The following PEX11A variants were observed in gnomAD, a reference collection of about 807,000 sequenced individuals.
PEX11A encodes peroxisomal biogenesis factor 11 alpha.
A neutral mutation model predicts 14.4 loss-of-function variants in PEX11A; 13 were observed. That is an observed-to-expected ratio of 0.90 (90% CI 0.59 to 1.43). PEX11A has a LOEUF of 1.43. PEX11A is among the 40% of genes most tolerant of loss of function. The pLI is 0.00. For missense variants in PEX11A, 290 were observed against 302.8 expected (o/e 0.96, Z 0.31); for synonymous variants, 101 against 113.0 (o/e 0.89, Z 0.67).
intron 2 of PEX11A, among the ~76,000 whole-genome samples, chr15:89,684,179 G>A (rs1964644035): frequency 6.6e-6 from 1 of 152,184 alleles, no homozygotes; most frequent in Non-Finnish European, 1.5e-5. Flanking sequence ...GGGATTATAG[G>A]CACGAGCCAG....
At chr15:89,688,698 T>C (rs1359168384) in intron 1 of PEX11A, among the ~76,000 whole-genome samples, 2 of 148,522 alleles carry the variant, frequency 1.3e-5, no homozygotes, top group African/African-American at 2.5e-5. Flanking sequence ...GCCTAAATGA[T>C]GATGATTATT....
Position 89,682,644 on chromosome 15 carries a change from T to C in PEX11A, c.*733A>G, listed in dbSNP as rs1964615637. The C allele has an allele frequency of 6.6e-6, 1 of 152,274 alleles. No homozygotes were observed. Among genetic ancestry groups the C allele is most frequent in the South Asian group, 2.1e-4 (1 of 4,832 alleles). 9.4% of individuals were successfully genotyped at this position (152,274 alleles called of 1,614,324 possible). ...AACACTGGATTAGGAGTCAGAGGAA[T>C]GAGGCTCTAGCCTCAGTTTTTTGTT... On this transcript the variant is annotated 3_prime_UTR_variant, in exon 3 of 3. Coordinates refer to ENST00000300056, the MANE Select transcript of PEX11A (RefSeq NM_003847.3).
chr15:89,687,784 G>C (rs1366694765), intron 1 of PEX11A, among the ~76,000 whole-genome samples: 1 of 152,114 alleles, frequency 6.6e-6, no homozygotes, highest in Non-Finnish European at 1.5e-5. Context: ...CTGGTTACAG[G>C]ACTGGTCATG....
rs1964815823 is a variant in PEX11A, at chr15:89,690,576, C to A, written c.56+1G>T. The A allele has an allele frequency of 1.9e-6, 3 of 1,550,926 alleles. No homozygotes were observed. The highest frequency in any genetic ancestry group is 2.7e-5 in the African/African-American group (2 of 73,044). Reference sequence around the variant, plus strand: ...GCGGAGGCCGCTGGCACCTGACTCACCTGAAGAGTCGGTCCCGGCCCTGGG... The same window carrying A: ...GCGGAGGCCGCTGGCACCTGACTCAACTGAAGAGTCGGTCCCGGCCCTGGG... On this transcript the variant is annotated splice_donor_variant, in intron 1 of 2. Coordinates refer to ENST00000300056, the MANE Select transcript of PEX11A (RefSeq NM_003847.3). LOFTEE classifies it high-confidence loss of function.
In PEX11A at chr15:89,686,554, G is replaced by GT; in HGVS notation, c.57-9_57-8insA. Reference sequence around the variant, plus strand: ...CATGTGTACTGAGTGGCTCTGAAATGGAAAAAAAAAAATTGAGAAGAATGA... The same window carrying GT: ...CATGTGTACTGAGTGGCTCTGAAATGTGAAAAAAAAAAATTGAGAAGAATGA... On this transcript the variant is annotated splice_polypyrimidine_tract_variant and intron_variant, in intron 1 of 2. Coordinates refer to ENST00000300056, the MANE Select transcript of PEX11A (RefSeq NM_003847.3). 2 of 1,229,016 alleles carry GT rather than the reference G, an allele frequency of 1.6e-6. No homozygotes were observed. The highest frequency in any genetic ancestry group is 2.3e-6 in the Non-Finnish European group (2 of 855,106). The allele number at this position is 1,229,016 out of a possible 1,614,324, so 76.1% of individuals were successfully genotyped here. A position where few individuals can be genotyped will look rare whatever the true frequency, so the allele number is the denominator to read the frequency against.
intron 1 of PEX11A, among the ~76,000 whole-genome samples, chr15:89,688,936 G>T (rs762124661): frequency 6.6e-6 from 1 of 151,174 alleles, no homozygotes; most frequent in Non-Finnish European, 1.5e-5. Flanking sequence ...GGATGGTCTC[G>T]ATCTCCTGAC....
intron 1 of PEX11A, chr15:89,688,329 C>G: frequency 1.0e-5 from 3 of 297,772 alleles, no homozygotes; most frequent in Non-Finnish European, 2.0e-5. Flanking sequence ...TACAGATCAT[C>G]AAGGAGGTTG....
At chr15:89,688,825 C>T (rs543252484) in intron 1 of PEX11A, among the ~76,000 whole-genome samples, 2 of 152,154 alleles carry the variant, frequency 1.3e-5, no homozygotes, top group South Asian at 2.1e-4. Context: ...ATGCCATTCT[C>T]CTGCCTCAGC....
intron 1 of PEX11A, 87 bp from the exon 2 acceptor site, chr15:89,686,633 C>T: frequency 1.5e-6 from 1 of 676,356 alleles, no homozygotes; most frequent in African/African-American, 1.8e-5. Flanking sequence ...GAAACACATG[C>T]CTCCAGACAA....
intron 1 of PEX11A, among the ~76,000 whole-genome samples, chr15:89,689,134 A>C (rs936558677): frequency 6.6e-6 from 1 of 152,234 alleles, no homozygotes; most frequent in Admixed American, 6.5e-5. Flanking sequence ...TATATAAAGT[A>C]ACCATTTAAA....
chr15:89,683,828 A>G lies in PEX11A; in HGVS notation c.293T>C (p.Ile98Thr), dbSNP rs1407029353. Reference protein sequence around the residue: ...LANLNRVIYFICDTILWVRSV... With the variant: ...LANLNRVIYFTCDTILWVRSV... The stretch of plus-strand genomic sequence containing the variant: ...CCTCACCCAGAGGATGGTGTCACAG[A>G]TGAAATAAATCACACGGTTCAGGTT... Residue 98 changes from isoleucine to threonine, a missense_variant, in exon 3 of 3, where the codon ATC becomes ACC. Ile to Thr is a moderately conservative substitution (Grantham distance 89). Transcript: ENST00000300056. 1 of 1,614,046 alleles carries G rather than the reference A, an allele frequency of 6.2e-7. No homozygotes were observed. Among genetic ancestry groups the G allele is most frequent in the Non-Finnish European group, 8.5e-7 (1 of 1,179,988 alleles).
rs1964609418 is a variant in PEX11A, at chr15:89,682,180, C to T, written c.*1197G>A. 1 of 152,158 alleles carries T rather than the reference C, an allele frequency of 6.6e-6. No homozygotes were observed. The highest frequency in any genetic ancestry group is 6.5e-5 in the Admixed American group (1 of 15,276). The allele number at this position is 152,158 out of a possible 1,614,324, so 9.4% of individuals were successfully genotyped here. On this transcript the variant is annotated 3_prime_UTR_variant, in exon 3 of 3. Coordinates refer to ENST00000300056, the MANE Select transcript of PEX11A (RefSeq NM_003847.3). ...ACAATCTAACTGATAAGTCTAAATA[C>T]TGTCTTAATTTTTTTTTAAGACACA...
At chr15:89,690,262 C>G (rs936286705) in intron 1 of PEX11A, among the ~76,000 whole-genome samples, 3 of 152,202 alleles carry the variant, frequency 2.0e-5, no homozygotes, top group African/African-American at 7.2e-5. Flanking sequence ...TTTCTGTGCC[C>G]GGAGAGCAAA....
At chr15:89,687,333 T>C (rs1223422011) in intron 1 of PEX11A, among the ~76,000 whole-genome samples, 1 of 152,222 alleles carries the variant, frequency 6.6e-6, no homozygotes, top group Non-Finnish European at 1.5e-5. Flanking sequence ...AGTTTAAAGA[T>C]TGTTTAATTT....
At chr15:89,690,264 G>C (rs1299377468) in intron 1 of PEX11A, among the ~76,000 whole-genome samples, 1 of 152,230 alleles carries the variant, frequency 6.6e-6, no homozygotes, top group Non-Finnish European at 1.5e-5. Flanking sequence ...TCTGTGCCCG[G>C]AGAGCAAAGT....
At position 89,686,516 on chromosome 15, in the gene PEX11A, T is replaced by A; in HGVS notation, c.87A>T (p.Arg29Ser). Residue 29 changes from arginine to serine, a missense_variant, in exon 2 of 3, where the codon AGA becomes AGT. By Grantham distance (110) the Arg-to-Ser change is moderately radical (BLOSUM62 -1). Coordinates refer to ENST00000300056, the MANE Select transcript of PEX11A (RefSeq NM_003847.3). ...RATQYTCMLL[R>S]YLLEPKAGKE... ...TGCCAGCTTTGGGCTCTAACAAATA[T>A]CTAAGCAACATGCATGTGTACTGAG... 6.3e-7 allele frequency: 1 copy of A among 1,595,648 alleles called. No individual in the cohort carries two copies. Among genetic ancestry groups the A allele is most frequent in the Non-Finnish European group, 8.6e-7 (1 of 1,163,602 alleles).
rs749662255 is a variant in PEX11A, at chr15:89,689,991, G to A, written c.56+586C>T. ...TACTAAAAATACAAAAAGTAGCCGG[G>A]CGTGGTAGTGCACGCCTGTAATCCC... is the stretch of plus-strand genomic sequence containing the variant. On this transcript the variant is annotated intron_variant, in intron 1 of 2. Coordinates refer to ENST00000300056, the MANE Select transcript of PEX11A (RefSeq NM_003847.3). Among the ~76,000 whole-genome samples the A allele has an allele frequency of 4.2e-4, 64 of 152,308 alleles. 1 individual carries two copies. The highest frequency in any genetic ancestry group is 3.5e-4 in the Non-Finnish European group (24 of 68,018).
Position 89,690,671 on chromosome 15 carries a change from G to A in PEX11A, c.-39C>T. 1 of 1,501,660 alleles carries A rather than the reference G, an allele frequency of 6.7e-7. No individual in the cohort carries two copies. The highest frequency in any genetic ancestry group is 9.1e-7 in the Non-Finnish European group (1 of 1,102,942). 93.0% of individuals were successfully genotyped at this position (1,501,660 alleles called of 1,614,324 possible). On this transcript the variant is annotated 5_prime_UTR_variant, in exon 1 of 3. Coordinates refer to ENST00000300056, the MANE Select transcript of PEX11A (RefSeq NM_003847.3). ...AAGGCCACGAGTCGCACGGGGCTCA[G>A]GCGTGGGTCCTCTGGGGCCCGTCGG... is the stretch of plus-strand genomic sequence containing the variant.
intron 2 of PEX11A, among the ~76,000 whole-genome samples, chr15:89,684,284 G>A (rs1567084548): frequency 6.6e-6 from 1 of 152,152 alleles, no homozygotes; most frequent in South Asian, 2.1e-4. Flanking sequence ...AGTACATTAA[G>A]GACACCTAAA....
Sources: allele counts gnomAD v4.1 joint callset (sites outside exome capture counted in the v4.1 genomes callset), GRCh38; gene constraint gnomAD v4.1.1; transcripts MANE v1.5; gene names NCBI Gene and HGNC (gene_info 2026-07-23, HGNC 2026-07-21).